The following L3HYPDH variants were observed in gnomAD, a reference collection of about 807,000 sequenced individuals.
L3HYPDH encodes trans-L-3-hydroxyproline dehydratase.
In L3HYPDH, 32 loss-of-function variants were observed where a neutral mutation model predicts 26.5. That is an observed-to-expected ratio of 1.21 (90% CI 0.91 to 1.62). L3HYPDH has a LOEUF of 1.62. L3HYPDH is among the 40% of genes most tolerant of loss of function. The pLI is 0.00. For synonymous variants in L3HYPDH, 215 were observed against 196.6 expected (o/e 1.09, Z -0.78); for missense variants, 554 against 476.4 (o/e 1.16, Z -1.52).
At chr14:59,494,080 A>ATATT in the L3HYPDH span, among the ~76,000 whole-genome samples, 1 of 151,742 alleles carries the variant, frequency 6.6e-6, no homozygotes. Context: ...TTAAAGATAA[A>ATATT]TGTGAAAAGC....
the L3HYPDH span, among the ~76,000 whole-genome samples, chr14:59,494,696 C>G: frequency 6.6e-6 from 1 of 152,236 alleles, no homozygotes; most frequent in African/African-American, 2.4e-5. Flanking sequence ...AATTACTATA[C>G]TTTCTAACAA....
upstream of L3HYPDH, chr14:59,485,171 T>C (rs756188033): frequency 1.4e-4 from 224 of 1,573,346 alleles, no homozygotes; most frequent in Non-Finnish European, 1.8e-4. Context: ...TTTCAGGCCT[T>C]GGATTTTGAG....
intron 4 of L3HYPDH, among the ~76,000 whole-genome samples, chr14:59,474,043 T>G (rs1198037631): frequency 2.0e-5 from 3 of 152,204 alleles, no homozygotes. Context: ...TTTAAAAGAA[T>G]AATAACTGAA....
At chr14:59,502,764 T>TCTTTGTTTTTGTG in the L3HYPDH span, among the ~76,000 whole-genome samples, 1 of 130,472 alleles carries the variant, frequency 7.7e-6, no homozygotes, top group Non-Finnish European at 1.6e-5. Context: ...TTTTTTTTTT[T>TCTTTGTTTTTGTG]TTTTTTTTTC....
At chr14:59,483,468 T>C in intron 1 of L3HYPDH, 1 of 1,201,344 alleles carries the variant, frequency 8.3e-7, no homozygotes, top group Non-Finnish European at 1.0e-6. Flanking sequence ...TGTTCTTCGC[T>C]CTTTCCTTGA....
the L3HYPDH span, among the ~76,000 whole-genome samples, chr14:59,497,635 T>C: frequency 6.6e-6 from 1 of 152,192 alleles, no homozygotes; most frequent in African/African-American, 2.4e-5. Flanking sequence ...ATTAAAATCA[T>C]CTTTTTTAGA....
chr14:59,476,236 C>CAACA (rs33944110), intron 2 of L3HYPDH, 22 bp from the exon 3 acceptor site: 1 of 1,402,282 alleles, frequency 7.1e-7, no homozygotes, highest in South Asian at 1.2e-5. Flanking sequence ...AAAAAAAGAT[C>CAACA]ACATGCAAAA....
intron 2 of L3HYPDH, among the ~76,000 whole-genome samples, chr14:59,477,208 CA>C (rs1889694531): frequency 6.6e-6 from 1 of 152,180 alleles, no homozygotes; most frequent in Non-Finnish European, 1.5e-5. Flanking sequence ...GCTAGCTCCT[CA>C]AAGGTGGGGT....
chr14:59,471,617 AC>A (rs1889313636), downstream of L3HYPDH, among the ~76,000 whole-genome samples: 1 of 152,052 alleles, frequency 6.6e-6, no homozygotes, highest in African/African-American at 2.4e-5. Context: ...GAGTAAAACT[AC>A]CCCCTACCCT....
At chr14:59,475,145 CT>C (rs1203917241) in intron 4 of L3HYPDH, 1 of 152,044 alleles carries the variant, frequency 6.6e-6, no homozygotes, top group African/African-American at 2.4e-5. Context: ...TGTTCCACAA[CT>C]TTTCAGGGCT....
intron 1 of L3HYPDH, 31 bp from the exon 2 acceptor site, chr14:59,479,382 G>A (rs751192604): frequency 2.5e-6 from 4 of 1,575,684 alleles, no homozygotes; most frequent in East Asian, 2.3e-5. Flanking sequence ...GAAAGAAGAT[G>A]TGTTTGTTAA....
At chr14:59,465,629 T>C (rs1011397505) in intron 1 of L3HYPDH, among the ~76,000 whole-genome samples, 3 of 152,064 alleles carry the variant, frequency 2.0e-5, no homozygotes, top group Admixed American at 6.5e-5. Flanking sequence ...CTCTCTTTTG[T>C]AGGGTACAAA....
chr14:59,479,271 C>T lies in L3HYPDH; in HGVS notation c.589G>A (p.Ala197Thr), dbSNP rs771019732. The T allele has an allele frequency of 5.0e-6, 8 of 1,613,744 alleles. No individual in the cohort carries two copies. Among genetic ancestry groups the T allele is most frequent in the Non-Finnish European group, 6.8e-6 (8 of 1,179,910 alleles). ...CAAATGTCTAGTCCTAACTTTTCAG[C>T]AGTAACAAATGCATAAAATGCACCG... ...YGGAFYAFVTAEKLGLDICSA... is the reference protein window; with the variant it reads ...YGGAFYAFVTTEKLGLDICSA... Residue 197 changes from alanine (A) to threonine (T), a missense_variant, in exon 2 of 5, where the codon GCT (alanine) becomes ACT (threonine). Physicochemically the swap from Ala to Thr is moderately conservative, Grantham distance 58. Coordinates refer to ENST00000247194, the MANE Select transcript of L3HYPDH (RefSeq NM_144581.2).
At chr14:59,501,363 T>A in the L3HYPDH span, 3 of 757,562 alleles carry the variant, frequency 4.0e-6, no homozygotes, top group Non-Finnish European at 6.3e-6. Context: ...TACAACTAAT[T>A]GTTTTAGTAA....
chr14:59,479,447 G>A (rs1290767806), intron 1 of L3HYPDH, 96 bp from the exon 2 acceptor site: 12 of 1,127,666 alleles, frequency 1.1e-5, no homozygotes, highest in Admixed American at 2.7e-5. Context: ...TTTTTCAAGA[G>A]GGATGTTCTT....
At chr14:59,499,876 G>C in the L3HYPDH span, among the ~76,000 whole-genome samples, 9 of 152,172 alleles carry the variant, frequency 5.9e-5, no homozygotes, top group Non-Finnish European at 1.0e-4. Flanking sequence ...CTATTTCCCT[G>C]TTAGATTTGG....
the L3HYPDH span, among the ~76,000 whole-genome samples, chr14:59,491,954 C>T: frequency 6.6e-6 from 1 of 152,162 alleles, no homozygotes; most frequent in East Asian, 1.9e-4. Context: ...GGAAAGCTTC[C>T]CCATTCTCAA....
rs771479559 is a variant in L3HYPDH, at chr14:59,479,330, C to A, written c.530G>T (p.Gly177Val). 1 of 1,612,012 alleles carries A rather than the reference C, an allele frequency of 6.2e-7. No homozygotes were observed. The highest frequency in any genetic ancestry group is 1.7e-5 in the Admixed American group (1 of 59,354). Residue 177 changes from glycine to valine, a missense_variant, in exon 2 of 5, where the codon GGA becomes GTA. Gly to Val is a moderately radical substitution (Grantham distance 109, BLOSUM62 -3). Coordinates refer to ENST00000247194, the MANE Select transcript of L3HYPDH (RefSeq NM_144581.2). ...LATDLMVDVP[G>V]HGKVMVDIAY... is the part of the protein sequence containing the mutation. ...AATGTCCACCATCACCTTTCCATGT[C>A]CAGGAACATCCACCATGAGATCTAA...
intron 1 of L3HYPDH, among the ~76,000 whole-genome samples, chr14:59,482,624 G>A (rs565708093): frequency 7.2e-5 from 11 of 152,302 alleles, no homozygotes; most frequent in African/African-American, 2.4e-4. Context: ...CAGTCTGGAA[G>A]TGACACCATT....
Sources: allele counts gnomAD v4.1 joint callset (sites outside exome capture counted in the v4.1 genomes callset), GRCh38; gene constraint gnomAD v4.1.1; transcripts MANE v1.5; gene names NCBI Gene and HGNC (gene_info 2026-07-23, HGNC 2026-07-21).